Variants in KAZN observed in about 807,000 individuals in gnomAD.
KAZN encodes kazrin.
Under a neutral mutation model 87.4 loss-of-function variants are expected in KAZN, and 40 were observed. The observed-to-expected ratio is 0.46, with a 90% CI of 0.36 to 0.60. The LOEUF (loss-of-function observed/expected upper bound fraction) is 0.60. Ranked by LOEUF, KAZN falls within the 20% of genes least tolerant of loss-of-function variation. KAZN has a pLI of 0.00. For synonymous variants in KAZN, 466 were observed against 458.3 expected (o/e 1.02, Z -0.22); for missense variants, 898 against 1,073.9 (o/e 0.84, Z 2.29).
intron 2 of KAZN, among the ~76,000 whole-genome samples, chr1:14,277,224 T>C (rs1003249980): frequency 1.3e-5 from 2 of 152,202 alleles, no homozygotes; most frequent in Non-Finnish European, 2.9e-5. Context: ...CACCCAACCC[T>C]GAATTATTTT....
chr1:13,945,753 GTCTT>G (rs1641127210), intron 1 of KAZN, among the ~76,000 whole-genome samples: 1 of 150,122 alleles, frequency 6.7e-6, no homozygotes, highest in Non-Finnish European at 1.5e-5. Context: ...TTAAACCTAA[GTCTT>G]TAGTACATTT....
chr1:14,885,053 G>A (rs1299592900), intron 1 of KAZN, among the ~76,000 whole-genome samples: 2 of 152,160 alleles, frequency 1.3e-5, no homozygotes, highest in Non-Finnish European at 2.9e-5. Flanking sequence ...GCCTGGGAGG[G>A]AGCTATTATC....
intron 2 of KAZN, among the ~76,000 whole-genome samples, chr1:14,984,150 TGAAG>T (rs1424876673): frequency 6.6e-6 from 1 of 151,954 alleles, no homozygotes; most frequent in Non-Finnish European, 1.5e-5. Flanking sequence ...GCAGATCACT[TGAAG>T]TCAGGAGTTT....
intron 1 of KAZN, among the ~76,000 whole-genome samples, chr1:13,950,582 T>A (rs1248729705): frequency 6.6e-6 from 1 of 152,166 alleles, no homozygotes; most frequent in Non-Finnish European, 1.5e-5. Context: ...GTTGATGTGT[T>A]CAAATTGGGA....
intron 8 of KAZN, among the ~76,000 whole-genome samples, chr1:15,091,612 G>A (rs1236364313): frequency 1.3e-5 from 2 of 152,198 alleles, no homozygotes; most frequent in African/African-American, 4.8e-5. Context: ...CCAAAGTGCT[G>A]GGATTACAGG....
chr1:14,766,881 C>T (rs1644898167), intron 1 of KAZN, among the ~76,000 whole-genome samples: 1 of 152,000 alleles, frequency 6.6e-6, no homozygotes, highest in South Asian at 2.1e-4. Context: ...ATACAGTAAA[C>T]ATTCAGTGCC....
chr1:14,783,511 T>G (rs1377200149), intron 1 of KAZN, among the ~76,000 whole-genome samples: 2 of 151,918 alleles, frequency 1.3e-5, no homozygotes, highest in African/African-American at 2.4e-5. Context: ...GAACAAAAAT[T>G]TATCTATGTG....
At chr1:14,597,982 A>G (rs1205218377), upstream of KAZN, among the ~76,000 whole-genome samples, 2 of 152,180 alleles carry the variant, frequency 1.3e-5, no homozygotes, top group Admixed American at 6.5e-5. Flanking sequence ...AAGAAGCCCC[A>G]TCGACGCCTT....
chr1:14,106,943 TCCTTC>T (rs1644386774), intron 1 of KAZN, among the ~76,000 whole-genome samples: 1 of 88,102 alleles, frequency 1.1e-5, no homozygotes, highest in African/African-American at 4.5e-5. Context: ...CCTCCCTCCC[TCCTTC>T]CCCTTCCCTC....
chr1:14,445,744 G>C (rs1666947723), intron 2 of KAZN, among the ~76,000 whole-genome samples: 2 of 152,272 alleles, frequency 1.3e-5, no homozygotes, highest in South Asian at 4.1e-4. Flanking sequence ...GGAACTCTGG[G>C]AGACAGCATA....
chr1:15,072,818 C>T (rs2100597678), intron 8 of KAZN, among the ~76,000 whole-genome samples: 1 of 151,616 alleles, frequency 6.6e-6, no homozygotes, highest in South Asian at 2.1e-4. Context: ...TCTCAGGTCA[C>T]CCACTGGCCC....
At chr1:14,888,759 T>G (rs77935263) in intron 1 of KAZN, among the ~76,000 whole-genome samples, 13,905 of 152,174 alleles carry the variant, frequency 0.091, 732 homozygotes, top group Middle Eastern at 0.16. Context: ...ACAGCAAGGA[T>G]TTATTTCTCA....
At chr1:14,173,272 TGATA>T (rs1645995387) in intron 1 of KAZN, among the ~76,000 whole-genome samples, 1 of 152,136 alleles carries the variant, frequency 6.6e-6, no homozygotes, top group Non-Finnish European at 1.5e-5. Context: ...TGATTGCAAA[TGATA>T]GAAACCTAAC....
intron 2 of KAZN, among the ~76,000 whole-genome samples, chr1:14,389,529 C>T (rs1359289439): frequency 6.6e-6 from 1 of 152,088 alleles, no homozygotes; most frequent in African/African-American, 2.4e-5. Context: ...ATAAAAAGAA[C>T]AAGATCCTGT....
chr1:14,866,868 A>G (rs1475272322), intron 1 of KAZN, among the ~76,000 whole-genome samples: 2 of 152,254 alleles, frequency 1.3e-5, no homozygotes, highest in Non-Finnish European at 2.9e-5. Flanking sequence ...GGCCCCAGGC[A>G]TGGAATCTGT....
intron 1 of KAZN, among the ~76,000 whole-genome samples, chr1:14,038,000 C>T (rs1641632946): frequency 6.6e-6 from 1 of 152,152 alleles, no homozygotes; most frequent in Non-Finnish European, 1.5e-5. Context: ...GGATTAAATT[C>T]ACTCAACCAC....
At chr1:14,005,824 C>G (rs1280800480) in intron 1 of KAZN, among the ~76,000 whole-genome samples, 1 of 152,130 alleles carries the variant, frequency 6.6e-6, no homozygotes, top group African/African-American at 2.4e-5. Context: ...GGTGTTGTTG[C>G]TGATTCACAC....
intron 1 of KAZN, among the ~76,000 whole-genome samples, chr1:14,681,913 G>A (rs1020569561): frequency 1.7e-4 from 26 of 151,356 alleles, no homozygotes; most frequent in Non-Finnish European, 3.1e-4. Context: ...GGATGGTCTC[G>A]ATCTCCTGAC....
intron 2 of KAZN, among the ~76,000 whole-genome samples, chr1:14,392,739 C>T (rs928160643): frequency 3.3e-5 from 5 of 151,618 alleles, no homozygotes; most frequent in South Asian, 2.1e-4. Context: ...GTCCCCTGGG[C>T]GGAGGCGGGT....
Sources: allele counts gnomAD v4.1 joint callset (sites outside exome capture counted in the v4.1 genomes callset), GRCh38; gene constraint gnomAD v4.1.1; transcripts MANE v1.5; gene names NCBI Gene and HGNC (gene_info 2026-07-23, HGNC 2026-07-21).